The following PAK3 variants were observed in gnomAD, a reference collection of about 807,000 sequenced individuals.
The protein encoded by PAK3 is serine/threonine-protein kinase PAK 3.
PAK3 carries 4 observed loss-of-function variants against 41.0 expected under a neutral mutation model. That is an observed-to-expected ratio of 0.10 (90% CI 0.05 to 0.22). The LOEUF (loss-of-function observed/expected upper bound fraction) is 0.22. PAK3 is among the 10% of genes least tolerant of loss of function. PAK3 has a pLI of 1.00. For missense variants in PAK3, 205 were observed against 409.9 expected (o/e 0.50, Z 4.32); for synonymous variants, 146 against 139.6 (o/e 1.05, Z -0.32).
intron 1 of PAK3, among the ~76,000 whole-genome samples, chrX:111,080,007 T>C (rs1238176537): frequency 8.9e-6 from 1 of 112,050 alleles, no homozygotes; most frequent in Non-Finnish European, 1.9e-5. Flanking sequence ...AGATGAGGAA[T>C]TGCTTCTTAT....
intron 1 of PAK3, among the ~76,000 whole-genome samples, chrX:111,005,452 G>T (rs1422385038): frequency 8.9e-6 from 1 of 111,840 alleles, no homozygotes; most frequent in Non-Finnish European, 1.9e-5. Flanking sequence ...GCAAAAGCCT[G>T]CTGGCTCCTG....
At chrX:111,029,150 CAATAAAGA>C (rs1254642077) in intron 1 of PAK3, among the ~76,000 whole-genome samples, 3 of 111,264 alleles carry the variant, frequency 2.7e-5, no homozygotes, top group East Asian at 2.8e-4. Context: ...ATAAATAAAA[CAATAAAGA>C]AATAAAGAAA....
chrX:111,065,485 A>G (rs191938704), intron 1 of PAK3, among the ~76,000 whole-genome samples: 88 of 110,986 alleles, frequency 7.9e-4, no homozygotes, highest in African/African-American at 2.8e-3. Context: ...TTTTGTGTCT[A>G]TGTTTATCAG....
At chrX:111,016,139 C>T (rs893335590) in intron 1 of PAK3, among the ~76,000 whole-genome samples, 2 of 112,531 alleles carry the variant, frequency 1.8e-5, no homozygotes, top group Non-Finnish European at 3.8e-5. Context: ...ATGTACCAAC[C>T]AATTAATTGA....
At chrX:111,039,994 CAA>C (rs141289134) in intron 1 of PAK3, among the ~76,000 whole-genome samples, 135 of 49,254 alleles carry the variant, frequency 2.7e-3, no homozygotes, top group South Asian at 0.027. Context: ...GTAGATGGAG[CAA>C]AAAAAAAAAA....
At chrX:111,197,160 C>T (rs1259972399) in intron 16 of PAK3, among the ~76,000 whole-genome samples, 3 of 111,294 alleles carry the variant, frequency 2.7e-5, no homozygotes, top group Non-Finnish European at 5.7e-5. Context: ...CTCCCACTTA[C>T]GAGTGAACAT....
exon 1 of PAK3, chrX:110,944,538 C>G (rs2090567694): frequency 8.9e-6 from 1 of 112,897 alleles, no homozygotes; most frequent in African/African-American, 3.2e-5. Context: ...CCTGCTCCTC[C>G]TCCCATCCCC....
intron 1 of PAK3, among the ~76,000 whole-genome samples, chrX:110,977,060 A>T (rs936000202): frequency 1.8e-5 from 2 of 110,875 alleles, no homozygotes; most frequent in African/African-American, 6.6e-5. Flanking sequence ...ATACCTACGT[A>T]TCAAACCTGC....
rs184780229 is a variant in PAK3 at position 111,136,175 on chromosome X, G to C, written c.176-5921G>C. The stretch of plus-strand genomic sequence containing the variant: ...TCATATGCTGAAAGTAAGGGAGGAG[G>C]GGGTAGAGCTGAAGTTAGAGTGGAG... On this transcript the variant is annotated intron_variant, in intron 5 of 17. Transcript: ENST00000372007. Among the ~76,000 whole-genome samples the C allele has an allele frequency of 2.7e-5, 3 of 112,033 alleles. No individual in the cohort carries two copies. The East Asian group carries it at 8.5e-4, about 32-fold the overall frequency.
At chrX:110,991,256 C>G (rs1301971034) in intron 1 of PAK3, among the ~76,000 whole-genome samples, 1 of 112,314 alleles carries the variant, frequency 8.9e-6, no homozygotes, top group Non-Finnish European at 1.9e-5. Flanking sequence ...ATTTCTGCCT[C>G]ATAGGGCTTT....
At chrX:111,219,716 T>C (rs1437362285) in intron 17 of PAK3, among the ~76,000 whole-genome samples, 1 of 110,521 alleles carries the variant, frequency 9.0e-6, no homozygotes, top group Non-Finnish European at 1.9e-5. Flanking sequence ...GAATGACATC[T>C]GTAAGAAATT....
chrX:111,195,779 A>T, intron 14 of PAK3, 63 bp from the exon 15 acceptor site: 4 of 733,112 alleles, frequency 5.5e-6, no homozygotes, highest in Non-Finnish European at 8.5e-6. Context: ...TTTATCTAGA[A>T]ATAAAACTTA....
chrX:111,090,140 T>C (rs949044814), intron 1 of PAK3, among the ~76,000 whole-genome samples: 1 of 110,928 alleles, frequency 9.0e-6, no homozygotes, highest in Non-Finnish European at 1.9e-5. Context: ...CCTCAATCTC[T>C]CTTCATGTAG....
intron 11 of PAK3, among the ~76,000 whole-genome samples, chrX:111,175,468 G>C (rs56891503): frequency 0.15 from 16,687 of 111,384 alleles, 2,518 homozygotes; most frequent in African/African-American, 0.47. Flanking sequence ...GTAACTCTAA[G>C]AAATTTTAAA....
intron 11 of PAK3, among the ~76,000 whole-genome samples, chrX:111,188,131 C>A (rs772658424): frequency 9.2e-6 from 1 of 108,572 alleles, no homozygotes; most frequent in African/African-American, 3.4e-5. Context: ...CCATAAATCC[C>A]AGGATATTGA....
chrX:111,161,944 A>G (rs909972996), intron 8 of PAK3, among the ~76,000 whole-genome samples: 2 of 111,817 alleles, frequency 1.8e-5, no homozygotes, highest in African/African-American at 3.2e-5. Flanking sequence ...AGTTACTGCC[A>G]TGTTAAACAG....
At chrX:111,161,045 A>T (rs1337902929) in intron 8 of PAK3, among the ~76,000 whole-genome samples, 19 of 111,338 alleles carry the variant, frequency 1.7e-4, no homozygotes, top group Non-Finnish European at 3.0e-4. Context: ...CACCACACTG[A>T]CTTCCACAAT....
At chrX:111,126,342 G>A (rs1448416118) in intron 5 of PAK3, among the ~76,000 whole-genome samples, 2 of 111,127 alleles carry the variant, frequency 1.8e-5, no homozygotes, top group African/African-American at 6.5e-5. Flanking sequence ...CCTCATTTTT[G>A]CCCATTTTTT....
chrX:111,079,843 A>G (rs988288136), intron 1 of PAK3, among the ~76,000 whole-genome samples: 40 of 112,378 alleles, frequency 3.6e-4, no homozygotes, highest in African/African-American at 1.2e-3. Context: ...GTTTGGAAGA[A>G]GTTGATTCCA....
Sources: gnomAD v4.1 joint callset for allele counts (sites outside exome capture counted in the v4.1 genomes callset) on GRCh38, gnomAD v4.1.1 for gene constraint, MANE v1.5 for transcripts, NCBI Gene and HGNC (gene_info 2026-07-23, HGNC 2026-07-21) for gene names.